GNAQ: variants seen among roughly 807,000 people sequenced by gnomAD.
GNAQ encodes the protein guanine nucleotide-binding protein G(q) subunit alpha.
GNAQ carries 8 observed loss-of-function variants against 43.9 expected under a neutral mutation model. The ratio of observed to expected loss-of-function variants is 0.18; its 90% CI spans 0.11 to 0.33. The LOEUF (loss-of-function observed/expected upper bound fraction) is 0.33, where lower values mean the gene tolerates loss of function less well. GNAQ is among the 10% of genes least tolerant of loss of function. The pLI is 1.00. For missense variants in GNAQ, 158 were observed against 450.8 expected (o/e 0.35, Z 5.88); for synonymous variants, 155 against 170.7 (o/e 0.91, Z 0.71).
chr9:77,973,029 A>C (rs1298788107), intron 1 of GNAQ, among the ~76,000 whole-genome samples: 7 of 148,956 alleles, frequency 4.7e-5, no homozygotes, highest in Non-Finnish European at 7.4e-5. Context: ...AAAAAAAAAA[A>C]CAAGACATAC....
In GNAQ at chr9:77,723,743, A is replaced by G. The variant is rs569888227; in HGVS notation, c.890-2230T>C. Among the ~76,000 whole-genome samples, 179 of 152,334 alleles carry G rather than the reference A, an allele frequency of 1.2e-3. 1 individual carries two copies. The highest frequency in any genetic ancestry group is 2.2e-3 in the Non-Finnish European group (150 of 68,036). ...ACGTACTTAGAATTGGTAAACTCATAAAGACAGAAAGTAGATTAGAGGTTT... is the reference window on the plus strand; with the variant it reads ...ACGTACTTAGAATTGGTAAACTCATGAAGACAGAAAGTAGATTAGAGGTTT... On this transcript the variant is annotated intron_variant, in intron 6 of 6. Coordinates refer to ENST00000286548, the MANE Select transcript of GNAQ (RefSeq NM_002072.5).
At chr9:77,860,296 C>G (rs1338487915) in intron 2 of GNAQ, among the ~76,000 whole-genome samples, 1 of 152,100 alleles carries the variant, frequency 6.6e-6, no homozygotes, top group Non-Finnish European at 1.5e-5. Context: ...GACAGCCCAT[C>G]TTTCTGACTA....
chr9:77,743,883 A>G (rs1825692629), intron 5 of GNAQ, among the ~76,000 whole-genome samples: 1 of 152,186 alleles, frequency 6.6e-6, no homozygotes, highest in African/African-American at 2.4e-5. Flanking sequence ...CAGAAACTCA[A>G]AGTAGAAGGA....
chr9:77,859,437 T>C (rs757647886), intron 2 of GNAQ, among the ~76,000 whole-genome samples: 11 of 152,220 alleles, frequency 7.2e-5, no homozygotes, highest in Non-Finnish European at 1.2e-4. Flanking sequence ...ACATATCTGT[T>C]TGGATACACT....
chr9:77,834,042 C>T (rs1827343770), intron 2 of GNAQ, among the ~76,000 whole-genome samples: 2 of 151,802 alleles, frequency 1.3e-5, no homozygotes, highest in Non-Finnish European at 2.9e-5. Context: ...TATTGTGTAC[C>T]AATAAATAGT....
chr9:77,770,013 C>T (rs1367830273), intron 5 of GNAQ, among the ~76,000 whole-genome samples: 1 of 150,438 alleles, frequency 6.6e-6, no homozygotes, highest in Non-Finnish European at 1.5e-5. Flanking sequence ...AATGAAATAA[C>T]AACAAGTAGC....
chr9:77,824,645 T>C (rs1398382860), intron 2 of GNAQ, among the ~76,000 whole-genome samples: 1 of 152,180 alleles, frequency 6.6e-6, no homozygotes, highest in Non-Finnish European at 1.5e-5. Context: ...ACAAAATACA[T>C]TACTTTGAAC....
chr9:77,752,814 A>AAGATTT (rs1255759812), intron 5 of GNAQ, among the ~76,000 whole-genome samples: 1 of 152,186 alleles, frequency 6.6e-6, no homozygotes, highest in African/African-American at 2.4e-5. Context: ...CTTTTGGATA[A>AAGATTT]AGATTTAGTT....
At chr9:77,870,353 C>T (rs1197622041) in intron 2 of GNAQ, among the ~76,000 whole-genome samples, 5 of 107,976 alleles carry the variant, frequency 4.6e-5, no homozygotes, top group African/African-American at 7.5e-5. Context: ...TTTTTTTAGA[C>T]GGAGTTTTGC....
chr9:77,852,937 T>C (rs1264286045), intron 2 of GNAQ, among the ~76,000 whole-genome samples: 1 of 152,194 alleles, frequency 6.6e-6, no homozygotes, highest in African/African-American at 2.4e-5. Flanking sequence ...ACCCAGGCTG[T>C]CAGTGGTAAG....
chr9:77,792,122 G>A (rs1479614091), intron 5 of GNAQ, among the ~76,000 whole-genome samples: 1 of 152,130 alleles, frequency 6.6e-6, no homozygotes, highest in Middle Eastern at 3.2e-3. Context: ...TGGCTAATAT[G>A]GATGAAGGAA....
chr9:77,872,994 C>T (rs1032937351), intron 2 of GNAQ, among the ~76,000 whole-genome samples: 2 of 152,156 alleles, frequency 1.3e-5, no homozygotes, highest in Non-Finnish European at 2.9e-5. Flanking sequence ...AGAATGTTCC[C>T]ACAAAGACAC....
chr9:77,948,928 A>C (rs1822940186), intron 1 of GNAQ, among the ~76,000 whole-genome samples: 1 of 152,028 alleles, frequency 6.6e-6, no homozygotes, highest in African/African-American at 2.4e-5. Flanking sequence ...CTCTGCCCAC[A>C]ATGTCTTGAT....
intron 2 of GNAQ, among the ~76,000 whole-genome samples, chr9:77,819,623 C>T (rs1235109544): frequency 2.0e-5 from 3 of 152,148 alleles, no homozygotes; most frequent in African/African-American, 7.2e-5. Flanking sequence ...GCCCAACACA[C>T]ACAGAAGACC....
chr9:77,925,661 A>C (rs1345527482), intron 1 of GNAQ, among the ~76,000 whole-genome samples: 1 of 152,230 alleles, frequency 6.6e-6, no homozygotes, highest in East Asian at 1.9e-4. Context: ...TGTGAATTCA[A>C]AGTGAAGGCA....
rs1825235542 is a variant in GNAQ, at chr9:77,716,986, T to C, written c.*4337A>G. On this transcript the variant is annotated 3_prime_UTR_variant, in exon 7 of 7. Transcript: ENST00000286548. The stretch of plus-strand genomic sequence containing the variant: ...AAACAAATGACAAGTTTAGGGTCTG[T>C]ACTAAGTTATCTACTAAACAGCAGG... The C allele has an allele frequency of 4.3e-6, 1 of 232,682 alleles. No individual in the cohort carries two copies. The highest frequency in any genetic ancestry group is 8.5e-6 in the Non-Finnish European group (1 of 117,800). 14.4% of individuals were successfully genotyped at this position (232,682 alleles called of 1,614,324 possible).
intron 5 of GNAQ, among the ~76,000 whole-genome samples, chr9:77,790,389 T>C (rs768751148): frequency 1.3e-5 from 2 of 152,226 alleles, no homozygotes; most frequent in Non-Finnish European, 2.9e-5. Flanking sequence ...TTCACACTTT[T>C]AAAGAAAATG....
At chr9:77,840,353 G>GTTT (rs397701613) in intron 2 of GNAQ, among the ~76,000 whole-genome samples, 47 of 142,382 alleles carry the variant, frequency 3.3e-4, no homozygotes, top group African/African-American at 9.7e-4. Context: ...ATTACTTTTT[G>GTTT]TTTTTTTTTT....
chr9:77,874,037 A>C (rs1587379144), intron 2 of GNAQ, among the ~76,000 whole-genome samples: 1 of 150,774 alleles, frequency 6.6e-6, no homozygotes, highest in Non-Finnish European at 1.5e-5. Flanking sequence ...CCTGGGAGGT[A>C]GAGGTTGCAG....
Sources: allele counts gnomAD v4.1 joint callset (sites outside exome capture counted in the v4.1 genomes callset), GRCh38; gene constraint gnomAD v4.1.1; transcripts MANE v1.5; gene names NCBI Gene and HGNC (gene_info 2026-07-23, HGNC 2026-07-21).